CTR9: variants seen among roughly 807,000 people sequenced by gnomAD.
CTR9 encodes the protein CTR9 component of Paf1/RNA polymerase II complex.
CTR9 carries 41 observed loss-of-function variants against 152.1 expected under a neutral mutation model. That is an observed-to-expected ratio of 0.27 (90% CI 0.21 to 0.35). CTR9 has a LOEUF of 0.35. Ranked by LOEUF, CTR9 falls within the 10% of genes least tolerant of loss-of-function variation. The probability of loss-of-function intolerance (pLI) is 1.00; values close to 1 mark genes in which losing one functional copy is unlikely to be tolerated. For missense variants in CTR9, 917 were observed against 1,424.4 expected, an observed-to-expected ratio of 0.64 and a Z score of 5.73; for synonymous variants, 476 against 496.2, an observed-to-expected ratio of 0.96 and a Z score of 0.54.
At position 10,767,863 on chromosome 11, in the gene CTR9, G is replaced by A; in HGVS notation, c.1744G>A (p.Gly582Ser). 1 of 1,614,022 alleles carries A rather than the reference G, an allele frequency of 6.2e-7. No homozygotes were observed. The highest frequency in any genetic ancestry group is 8.5e-7 in the Non-Finnish European group (1 of 1,179,978). ...TCTTCATTTGGCAAAACAAGAATGG[G>A]GTCCTGGGCAGAAGAAGTTTGAGAG... ...GNLHLAKQEW[G>S]PGQKKFERIL... is the part of the protein sequence containing the mutation. Residue 582 changes from glycine (G) to serine (S), a missense_variant, in exon 14 of 25, where the codon GGT (glycine) becomes AGT (serine). Gly to Ser is a moderately conservative substitution (Grantham distance 56). Around this residue, in one of 9 missense-constraint regions of CTR9, gnomAD observed 87 missense variants for 235.7 expected, o/e 0.37. Coordinates refer to ENST00000361367, the MANE Select transcript of CTR9 (RefSeq NM_014633.5). This position sits in a 1 kb window ranked among gnomAD's most constrained non-coding sequence, Gnocchi z 4.0.
chr11:10,759,945 G>C (rs759747056), intron 5 of CTR9, among the ~76,000 whole-genome samples: 1 of 152,162 alleles, frequency 6.6e-6, no homozygotes, highest in Non-Finnish European at 1.5e-5. Flanking sequence ...TAGGTGTTCT[G>C]TTCTATAGTG....
rs1019111026 is a variant in CTR9, at chr11:10,773,254, G to C, written c.2708G>C (p.Arg903Thr). ...ACTGAAGCAACAAAAGAGAAGAAAA[G>C]AGGTGGTGGTGGTGGACGGGTAAGA... is the stretch of plus-strand genomic sequence containing the variant. ...GETEATKEKK[R>T]GGGGGRRSKK... is the part of the protein sequence containing the mutation. Residue 903 changes from arginine to threonine, a missense_variant, in exon 21 of 25, where the codon AGA becomes ACA. By Grantham distance (71) the Arg-to-Thr change is moderately conservative. This residue lies in a region of CTR9 where 384 missense variants were observed against 398.4 expected (regional missense o/e 0.96). Coordinates refer to ENST00000361367, the MANE Select transcript of CTR9 (RefSeq NM_014633.5). 1.9e-6 allele frequency: 3 copies of C among 1,612,502 alleles called. No homozygotes were observed. Among genetic ancestry groups the C allele is most frequent in the Non-Finnish European group, 1.7e-6 (2 of 1,179,702 alleles).
chr11:10,758,907 C>G (rs1448424157), intron 5 of CTR9, among the ~76,000 whole-genome samples: 1 of 152,126 alleles, frequency 6.6e-6, no homozygotes, highest in Non-Finnish European at 1.5e-5. Flanking sequence ...TAATTAAAAC[C>G]TTAACTTTTT....
chr11:10,775,134 T>A, intron 22 of CTR9, 73 bp from the exon 23 acceptor site: 1 of 1,213,462 alleles, frequency 8.2e-7, no homozygotes, highest in East Asian at 2.3e-5. Flanking sequence ...TGAATAATAA[T>A]TTAATGGCAA....
chr11:10,756,653 C>A, intron 4 of CTR9, 96 bp from the exon 5 acceptor site: 2 of 778,092 alleles, frequency 2.6e-6, no homozygotes, highest in Non-Finnish European at 4.0e-6. Context: ...GTATTTCTCA[C>A]TCAGAGATGT....
At chr11:10,776,869 A>C (rs1225279710) in intron 24 of CTR9, among the ~76,000 whole-genome samples, 1 of 142,820 alleles carries the variant, frequency 7.0e-6, no homozygotes, top group Non-Finnish European at 1.5e-5. Flanking sequence ...GCTACTAGGG[A>C]GGCTGAGGGA....
At chr11:10,776,837 G>A (rs1863245426) in intron 24 of CTR9, among the ~76,000 whole-genome samples, 1 of 151,956 alleles carries the variant, frequency 6.6e-6, no homozygotes, top group Non-Finnish European at 1.5e-5. Flanking sequence ...ACCAGGCATG[G>A]TGGCGTGTGC....
At chr11:10,771,705 C>T (rs879291966) in intron 19 of CTR9, 89 bp downstream of exon 19, 1 of 870,712 alleles carries the variant, frequency 1.1e-6, no homozygotes, top group Non-Finnish European at 1.9e-6. Context: ...AACAGAGGTT[C>T]CTGACCTTCC....
At chr11:10,764,285 T>G in intron 10 of CTR9, 23 bp from the exon 11 acceptor site, 1 of 1,613,970 alleles carries the variant, frequency 6.2e-7, no homozygotes, top group South Asian at 1.1e-5. Flanking sequence ...TTACACCTTT[T>G]TCTGTCAATC....
In CTR9 at chr11:10,755,245, C is replaced by G. The variant is rs759441297; in HGVS notation, c.384+48C>G. 5.8e-6 allele frequency: 9 copies of G among 1,564,788 alleles called. No individual in the cohort carries two copies. The East Asian group carries it at 2.0e-4, about 35-fold the overall frequency. ...TTCCATTTATGAAGGGAGAAAAGCA[C>G]ATGAAAGCAAAATGTGTGTGATAGC... is the stretch of plus-strand genomic sequence containing the variant. On this transcript the variant is annotated intron_variant, in intron 3 of 24. Transcript: ENST00000361367.
Position 10,774,004 on chromosome 11 carries a change from G to T in CTR9, c.2728-8G>T. 6.2e-7 allele frequency: 1 copy of T among 1,606,548 alleles called. No individual in the cohort carries two copies. Among genetic ancestry groups the T allele is most frequent in the East Asian group, 2.2e-5 (1 of 44,732 alleles). On this transcript the variant is annotated splice_polypyrimidine_tract_variant and splice_region_variant and intron_variant, in intron 21 of 24. Coordinates refer to ENST00000361367, the MANE Select transcript of CTR9 (RefSeq NM_014633.5). ...AAATAACTGACTATAGTGTTGTTTG[G>T]ATTTTAGCGTTCTAAGAAGGGAGGA...
chr11:10,757,915 A>G (rs1862911903), intron 5 of CTR9, among the ~76,000 whole-genome samples: 1 of 152,220 alleles, frequency 6.6e-6, no homozygotes. Context: ...AGATAGTGAC[A>G]TTTGTGTGAA....
At position 10,764,454 on chromosome 11, in the gene CTR9, T is replaced by G; in HGVS notation, c.1413+18T>G. ...AGGCTAAGGTAGGAAAATAGAAATATTTCCTTCTTTTATACTGAATCAAGT... is the reference window on the plus strand; with the variant it reads ...AGGCTAAGGTAGGAAAATAGAAATAGTTCCTTCTTTTATACTGAATCAAGT... On this transcript the variant is annotated intron_variant, in intron 11 of 24. Transcript: ENST00000361367. The G allele has an allele frequency of 1.9e-6, 3 of 1,588,042 alleles. No individual in the cohort carries two copies. Among genetic ancestry groups the G allele is most frequent in the Non-Finnish European group, 2.6e-6 (3 of 1,170,000 alleles).
At chr11:10,763,154 A>G (rs1264140305) in intron 7 of CTR9, among the ~76,000 whole-genome samples, 2 of 148,186 alleles carry the variant, frequency 1.3e-5, no homozygotes, top group African/African-American at 2.5e-5. Context: ...ATGAAAGGGG[A>G]GTATGTTTCT....
intron 9 of CTR9, 28 bp downstream of exon 9, chr11:10,763,907 G>A (rs748825858): frequency 6.5e-7 from 1 of 1,537,546 alleles, no homozygotes; most frequent in Non-Finnish European, 8.8e-7. Context: ...AGTCTTAGCT[G>A]TTTTCTGTTA....
chr11:10,771,902 T>G (rs1375421631), intron 19 of CTR9, among the ~76,000 whole-genome samples: 1 of 152,268 alleles, frequency 6.6e-6, no homozygotes, highest in East Asian at 1.9e-4. Flanking sequence ...GAGTTATATG[T>G]AAAGATAATG....
At chr11:10,754,620 C>G (rs1021574699) in intron 2 of CTR9, among the ~76,000 whole-genome samples, 1 of 152,080 alleles carries the variant, frequency 6.6e-6, no homozygotes, top group African/African-American at 2.4e-5. Context: ...CACTGGTCTG[C>G]TTTTTGACAC....
At chr11:10,772,891 G>T (rs746057533) in intron 20 of CTR9, among the ~76,000 whole-genome samples, 1 of 152,028 alleles carries the variant, frequency 6.6e-6, no homozygotes, top group Non-Finnish European at 1.5e-5. Flanking sequence ...GCCAGGAGTG[G>T]TGGCATGCAC....
chr11:10,773,364 T>A (rs555983176), intron 21 of CTR9, 91 bp downstream of exon 21: 2 of 1,486,082 alleles, frequency 1.3e-6, no homozygotes, highest in Non-Finnish European at 1.8e-6. Context: ...CCTTCTGTAC[T>A]TACTAGTTTT....
Sources: gnomAD v4.1 joint callset for allele counts (sites outside exome capture counted in the v4.1 genomes callset) on GRCh38, gnomAD v4.1.1 for gene constraint, gnomAD v4.1.1 regional missense constraint, Gnocchi (gnomAD v3.1) non-coding constraint, MANE v1.5 for transcripts, NCBI Gene and HGNC (gene_info 2026-07-23, HGNC 2026-07-21) for gene names.